Variants in RASSF6 observed in about 807,000 individuals in gnomAD.
RASSF6 encodes Ras association domain family member 6, also known as ras association domain-containing protein 6.
RASSF6 carries 52 observed loss-of-function variants against 44.0 expected under a neutral mutation model. The ratio of observed to expected loss-of-function variants is 1.18; its 90% CI spans 0.95 to 1.49. The LOEUF is 1.49. Among genes scored for constraint, RASSF6 ranks in the 40% most tolerant of loss-of-function variants. The probability of loss-of-function intolerance (pLI) is 0.00; values close to 1 mark genes in which losing one functional copy is unlikely to be tolerated. For synonymous variants in RASSF6, 162 were observed against 124.6 expected (o/e 1.30, Z -2.00); for missense variants, 464 against 393.3 (o/e 1.18, Z -1.52).
At chr4:73,597,659 G>T (rs1725018755) in intron 3 of RASSF6, among the ~76,000 whole-genome samples, 1 of 152,100 alleles carries the variant, frequency 6.6e-6, no homozygotes, top group African/African-American at 2.4e-5. Context: ...TTATTATAAA[G>T]ACATATTCAC....
upstream of RASSF6, chr4:73,620,469 G>C (rs746540933): frequency 1.3e-6 from 2 of 1,546,438 alleles, no homozygotes; most frequent in South Asian, 2.4e-5. Context: ...CCGCGCGGGC[G>C]CAGGGGCGGC....
rs1235091065 is a variant in RASSF6 at position 73,582,201 on chromosome 4, G to A, written c.657C>T (p.Leu219=). 1 of 1,538,282 alleles carries A rather than the reference G, an allele frequency of 6.5e-7. No homozygotes were observed. The highest frequency in any genetic ancestry group is 8.9e-7 in the Non-Finnish European group (1 of 1,121,804). The stretch of plus-strand genomic sequence containing the variant: ...TGATAAAGGTTACCTTAAATTTTTG[G>A]AGAAGTTGCTTTATTACTTCTTCAG... ...MRTEEVIKQL[L]QKFKIENSPQ... is the part of the protein sequence containing the mutation. Residue 219 remains leucine, a synonymous_variant, in exon 7 of 11, where the codon CTC becomes CTT. Coordinates refer to ENST00000307439, the MANE Select transcript of RASSF6 (RefSeq NM_177532.5).
intron 5 of RASSF6, among the ~76,000 whole-genome samples, chr4:73,587,059 A>G (rs891521484): frequency 3.3e-5 from 5 of 152,030 alleles, no homozygotes; most frequent in African/African-American, 1.2e-4. Flanking sequence ...CCCTCATTCT[A>G]GCTTCAGTCA....
At chr4:73,619,790 A>ATT (rs35639450) in intron 1 of RASSF6, among the ~76,000 whole-genome samples, 61 of 148,868 alleles carry the variant, frequency 4.1e-4, no homozygotes, top group Non-Finnish European at 6.4e-4. Flanking sequence ...TTGAAAATTC[A>ATT]TTTTTTTTTT....
chr4:73,608,653 A>G (rs1441013873), intron 2 of RASSF6, among the ~76,000 whole-genome samples: 1 of 152,248 alleles, frequency 6.6e-6, no homozygotes, highest in Non-Finnish European at 1.5e-5. Flanking sequence ...GCTTATTTTG[A>G]AATTCTAACT....
chr4:73,585,489 T>C, intron 5 of RASSF6, 125 bp from the exon 6 acceptor site: 1 of 579,026 alleles, frequency 1.7e-6, no homozygotes, highest in South Asian at 4.6e-5. Context: ...AAAAGCATTA[T>C]AGTCCACTGC....
chr4:73,576,098 G>A lies in RASSF6; in HGVS notation c.*137C>T. The A allele has an allele frequency of 3.7e-6, 2 of 539,768 alleles. No individual in the cohort carries two copies. The highest frequency in any genetic ancestry group is 6.4e-6 in the Non-Finnish European group (2 of 310,932). 33.4% of individuals were successfully genotyped at this position (539,768 alleles called of 1,614,324 possible). A position where few individuals can be genotyped will look rare whatever the true frequency, so the allele number is the denominator to read the frequency against. On this transcript the variant is annotated 3_prime_UTR_variant, in exon 11 of 11. Coordinates refer to ENST00000307439, the MANE Select transcript of RASSF6 (RefSeq NM_177532.5). The stretch of plus-strand genomic sequence containing the variant: ...ACCTCATCACTTCAAAAAGAAATGA[G>A]CTTTTTTTGACATTCAATTTTCTAC...
chr4:73,599,416 G>A (rs1270362485), intron 2 of RASSF6, among the ~76,000 whole-genome samples: 1 of 152,134 alleles, frequency 6.6e-6, no homozygotes, highest in East Asian at 1.9e-4. Flanking sequence ...CTACCTTTCC[G>A]CCCTTCTAGC....
chr4:73,620,412 C>G lies in RASSF6; in HGVS notation c.-159G>C, dbSNP rs1191544480. 2 of 1,539,808 alleles carry G rather than the reference C, an allele frequency of 1.3e-6. No homozygotes were observed. The highest frequency in any genetic ancestry group is 1.8e-6 in the Non-Finnish European group (2 of 1,142,506). On this transcript the variant is annotated 5_prime_UTR_variant, in exon 1 of 11. Transcript: ENST00000307439. ...AGGGAAACCAGTGCCCTGTCTCTGC[C>G]GGGCTGGGACTCCGCGAGTCACTCA... is the stretch of plus-strand genomic sequence containing the variant.
At chr4:73,587,551 C>T (rs1343839388) in intron 5 of RASSF6, among the ~76,000 whole-genome samples, 1 of 151,932 alleles carries the variant, frequency 6.6e-6, no homozygotes, top group Non-Finnish European at 1.5e-5. Flanking sequence ...TGAATACAAA[C>T]TTTATTAAAA....
At chr4:73,605,248 A>T (rs1725545007) in intron 2 of RASSF6, among the ~76,000 whole-genome samples, 1 of 152,232 alleles carries the variant, frequency 6.6e-6, no homozygotes, top group South Asian at 2.1e-4. Context: ...GTTCATAAAA[A>T]TGTAATATAC....
chr4:73,620,175 G>GAC (rs1164613070), intron 1 of RASSF6, 113 bp downstream of exon 1: 9 of 575,786 alleles, frequency 1.6e-5, no homozygotes, highest in African/African-American at 7.9e-5. Context: ...AGGCTGCTAT[G>GAC]ACACACACAC....
In RASSF6 at chr4:73,576,256, T is replaced by A; in HGVS notation, c.993A>T (p.Ile331=). Residue 331 remains isoleucine, a synonymous_variant, in exon 11 of 11, where the codon ATA becomes ATT. Coordinates refer to ENST00000307439, the MANE Select transcript of RASSF6 (RefSeq NM_177532.5). ...ACTGCTAAACTGTTGTCTCTGTTTT[T>A]ATTACTAGTTTATTTTGAAGACATT... ...ILKCLQNKLV[I]KTETTV is the part of the protein sequence containing the mutation. The A allele has an allele frequency of 6.4e-7, 1 of 1,558,414 alleles. No homozygotes were observed. The highest frequency in any genetic ancestry group is 8.8e-7 in the Non-Finnish European group (1 of 1,134,534).
Position 73,581,879 on chromosome 4 carries a change from A to G in RASSF6, c.670-11T>C. The G allele has an allele frequency of 6.2e-7, 1 of 1,600,924 alleles. No individual in the cohort carries two copies. On this transcript the variant is annotated splice_polypyrimidine_tract_variant and intron_variant, in intron 7 of 10. Transcript: ENST00000307439. ...GGGACTATTTTCAATCTGTCAAGGG[A>G]AAAAATGAACAAATATAAATTCTTT...
chr4:73,614,336 A>G (rs1164415623), intron 1 of RASSF6, among the ~76,000 whole-genome samples: 3 of 152,108 alleles, frequency 2.0e-5, no homozygotes, highest in Admixed American at 6.5e-5. Context: ...TTAACCCCCA[A>G]TGCAATAGTA....
chr4:73,587,631 A>G (rs1485461291), intron 5 of RASSF6, among the ~76,000 whole-genome samples: 3 of 151,974 alleles, frequency 2.0e-5, no homozygotes, highest in Non-Finnish European at 2.9e-5. Flanking sequence ...ATATTTTTAT[A>G]TACCAAAGTA....
rs1723227629 is a variant in RASSF6, at chr4:73,576,465, T to C, written c.883A>G (p.Ile295Val). 13 of 1,584,370 alleles carry C rather than the reference T, an allele frequency of 8.2e-6. No individual in the cohort carries two copies. Among genetic ancestry groups the C allele is most frequent in the Non-Finnish European group, 1.1e-5 (13 of 1,163,214 alleles). The change falls in exon 10 of 11, where the codon ATT (isoleucine) becomes GTT (valine). Residue 295 changes from isoleucine (I) to valine (V), a missense_variant. By Grantham distance (29) the Ile-to-Val change is conservative. Coordinates refer to ENST00000307439, the MANE Select transcript of RASSF6 (RefSeq NM_177532.5). ...INFHFSLLES[I>V]LQRLNEEEKR... ...TCTTCTTCATTTAATCTTTGAAGAA[T>C]GGATTCCAAGAGAGAAAAGTGAAAG...
chr4:73,612,628 G>C (rs1726104626), intron 1 of RASSF6, among the ~76,000 whole-genome samples: 1 of 151,856 alleles, frequency 6.6e-6, no homozygotes, highest in African/African-American at 2.4e-5. Flanking sequence ...AGGAAAAAAA[G>C]AAAACAGGAA....
intron 3 of RASSF6, among the ~76,000 whole-genome samples, chr4:73,594,587 G>C (rs1724807819): frequency 6.6e-6 from 1 of 152,116 alleles, no homozygotes; most frequent in Non-Finnish European, 1.5e-5. Flanking sequence ...GCATTCAATA[G>C]GTGCTCTATA....
Sources: gnomAD v4.1 joint callset for allele counts (sites outside exome capture counted in the v4.1 genomes callset) on GRCh38, gnomAD v4.1.1 for gene constraint, MANE v1.5 for transcripts, NCBI Gene and HGNC (gene_info 2026-07-23, HGNC 2026-07-21) for gene names.